The following DEPTOR variants were observed in gnomAD, a reference collection of about 807,000 sequenced individuals.
DEPTOR encodes the protein DEP domain containing MTOR interacting protein, also known as DEP domain-containing mTOR-interacting protein.
A neutral mutation model predicts 41.6 loss-of-function variants in DEPTOR; 41 were observed. The observed-to-expected ratio is 0.98, with a 90% CI of 0.77 to 1.28. DEPTOR has a LOEUF of 1.28. Ranked by LOEUF, DEPTOR falls within the 50% of genes most tolerant of loss-of-function variation. The pLI is 0.00. For synonymous variants in DEPTOR, 195 were observed against 192.3 expected (o/e 1.01, Z -0.12); for missense variants, 514 against 527.9 (o/e 0.97, Z 0.26).
chr8:119,888,706 A>G (rs1827406414), intron 1 of DEPTOR, among the ~76,000 whole-genome samples: 1 of 152,002 alleles, frequency 6.6e-6, no homozygotes, highest in Non-Finnish European at 1.5e-5. Context: ...AAATATAAAA[A>G]TTAGCCAGGT....
At chr8:119,938,388 T>G (rs1828138937) in intron 3 of DEPTOR, among the ~76,000 whole-genome samples, 1 of 152,194 alleles carries the variant, frequency 6.6e-6, no homozygotes, top group Non-Finnish European at 1.5e-5. Flanking sequence ...TCCCACAGGG[T>G]ATTTAATAAC....
chr8:119,945,834 G>A (rs903796641), intron 3 of DEPTOR, among the ~76,000 whole-genome samples: 7 of 152,274 alleles, frequency 4.6e-5, no homozygotes, highest in South Asian at 2.1e-4. Flanking sequence ...TGTGCTAAAC[G>A]TTCTAAGACA....
chr8:119,915,295 A>G (rs1202727939), intron 1 of DEPTOR, among the ~76,000 whole-genome samples: 2 of 152,104 alleles, frequency 1.3e-5, no homozygotes, highest in Non-Finnish European at 1.5e-5. Flanking sequence ...TAATGTTTTT[A>G]TATTTGATCT....
intron 4 of DEPTOR, among the ~76,000 whole-genome samples, chr8:119,988,446 G>T (rs955775407): frequency 6.6e-6 from 1 of 152,156 alleles, no homozygotes; most frequent in Non-Finnish European, 1.5e-5. Flanking sequence ...GACCAGAGCT[G>T]TTCCTGTTCG....
chr8:119,936,053 G>C (rs1434252695), intron 3 of DEPTOR, among the ~76,000 whole-genome samples: 1 of 143,800 alleles, frequency 7.0e-6, no homozygotes, highest in Non-Finnish European at 1.5e-5. Context: ...AGCAGCAGGA[G>C]TTTCTATCTC....
intron 7 of DEPTOR, among the ~76,000 whole-genome samples, chr8:120,008,630 T>G (rs1442955364): frequency 6.6e-6 from 1 of 152,046 alleles, no homozygotes; most frequent in Non-Finnish European, 1.5e-5. Flanking sequence ...AGTGTATCAT[T>G]TGGATACTGG....
chr8:120,049,925 A>G lies in DEPTOR; in HGVS notation c.*221A>G, dbSNP rs1020555519. On this transcript the variant is annotated 3_prime_UTR_variant, in exon 9 of 9. Coordinates refer to ENST00000286234, the MANE Select transcript of DEPTOR (RefSeq NM_022783.4). ...CAGTGTAGAAAACATTTGGGAAACC[A>G]TTTTCCTACATGATAGAACTGCCTT... is the stretch of plus-strand genomic sequence containing the variant. 4.9e-6 allele frequency: 2 copies of G among 406,962 alleles called. No individual in the cohort carries two copies. The highest frequency in any genetic ancestry group is 8.5e-6 in the Non-Finnish European group (2 of 236,332). The allele number at this position is 406,962 out of a possible 1,614,324, so 25.2% of individuals were successfully genotyped here.
At chr8:120,003,253 TGGAAGGGAA>T in intron 6 of DEPTOR, 142 bp downstream of exon 6, 1 of 1,406,956 alleles carries the variant, frequency 7.1e-7, no homozygotes, top group Non-Finnish European at 9.5e-7. Flanking sequence ...ACGTGTTGAA[TGGAAGGGAA>T]GGAAGAATTG....
intron 1 of DEPTOR, among the ~76,000 whole-genome samples, chr8:119,893,208 A>G (rs1353596372): frequency 2.0e-5 from 3 of 152,204 alleles, no homozygotes; most frequent in Non-Finnish European, 4.4e-5. Flanking sequence ...TCATGGGACA[A>G]AAAGTTATTT....
intron 3 of DEPTOR, among the ~76,000 whole-genome samples, chr8:119,956,740 G>GTTT (rs71571641): frequency 7.6e-5 from 7 of 91,996 alleles, no homozygotes; most frequent in African/African-American, 8.3e-5. Context: ...TTTTTTTTTT[G>GTTT]TTTTTTTTTT....
At chr8:120,045,850 C>A (rs1213688329) in intron 8 of DEPTOR, among the ~76,000 whole-genome samples, 1 of 152,168 alleles carries the variant, frequency 6.6e-6, no homozygotes, top group Non-Finnish European at 1.5e-5. Context: ...GTAAAATGAA[C>A]CCTGACCAGT....
At chr8:119,940,658 A>G (rs1251886612) in intron 3 of DEPTOR, among the ~76,000 whole-genome samples, 6 of 152,100 alleles carry the variant, frequency 3.9e-5, no homozygotes. Flanking sequence ...AGGCAGGACA[A>G]TCACTTGAAC....
intron 1 of DEPTOR, among the ~76,000 whole-genome samples, chr8:119,925,036 A>G (rs1369776970): frequency 6.6e-6 from 1 of 152,186 alleles, no homozygotes; most frequent in Non-Finnish European, 1.5e-5. Flanking sequence ...ATCATGGCAG[A>G]AGGCAAAGGA....
chr8:119,933,982 C>A (rs1353993760), intron 3 of DEPTOR, among the ~76,000 whole-genome samples: 1 of 152,152 alleles, frequency 6.6e-6, no homozygotes, highest in Non-Finnish European at 1.5e-5. Flanking sequence ...TAGGTTCAAG[C>A]GATTCTCATG....
intron 3 of DEPTOR, among the ~76,000 whole-genome samples, chr8:119,947,729 A>G (rs1384390877): frequency 1.3e-5 from 2 of 152,170 alleles, no homozygotes; most frequent in African/African-American, 4.8e-5. Flanking sequence ...TGTTGCCATA[A>G]TGAAAGTGAA....
Position 119,925,922 on chromosome 8 carries a change from G to A in DEPTOR, c.123-2478G>A, listed in dbSNP as rs1373049548. Among the ~76,000 whole-genome samples the A allele has an allele frequency of 9.2e-5, 14 of 152,338 alleles. No individual in the cohort carries two copies. In the East Asian group the frequency reaches 1.9e-3, roughly 21 times the overall value. The stretch of plus-strand genomic sequence containing the variant: ...TTACAGGCGTGAGCCACCATGCCCG[G>A]CCTGTTGTTTCCTTCTTGATGTCTA... On this transcript the variant is annotated intron_variant, in intron 1 of 8. Coordinates refer to ENST00000286234, the MANE Select transcript of DEPTOR (RefSeq NM_022783.4).
At chr8:119,951,834 C>T (rs897734626) in intron 3 of DEPTOR, among the ~76,000 whole-genome samples, 5 of 152,060 alleles carry the variant, frequency 3.3e-5, no homozygotes, top group African/African-American at 4.8e-5. Context: ...AAAAATAGTA[C>T]GTAAAAATTG....
intron 8 of DEPTOR, among the ~76,000 whole-genome samples, chr8:120,022,849 C>T (rs1812741765): frequency 6.6e-6 from 1 of 152,058 alleles, no homozygotes; most frequent in South Asian, 2.1e-4. Context: ...ACTGCCCCCA[C>T]TTGTAAAGTC....
chr8:119,994,352 T>G (rs749778717), intron 4 of DEPTOR, among the ~76,000 whole-genome samples: 2 of 152,128 alleles, frequency 1.3e-5, no homozygotes, highest in Non-Finnish European at 2.9e-5. Context: ...GAATACAAAC[T>G]CTATGTCATT....
Sources: allele counts gnomAD v4.1 joint callset (sites outside exome capture counted in the v4.1 genomes callset), GRCh38; gene constraint gnomAD v4.1.1; transcripts MANE v1.5; gene names NCBI Gene and HGNC (gene_info 2026-07-23, HGNC 2026-07-21).